GLB1: variants seen among roughly 807,000 people sequenced by gnomAD.
The protein encoded by GLB1 is galactosidase beta 1, also known as beta-galactosidase.
GLB1 carries 56 observed loss-of-function variants against 74.0 expected under a neutral mutation model. The ratio of observed to expected loss-of-function variants is 0.76; its 90% CI spans 0.61 to 0.94. The LOEUF is 0.94. Among genes scored for constraint, GLB1 ranks in the 40% least tolerant of loss-of-function variants. The pLI, the probability that GLB1 is intolerant of heterozygous loss-of-function variation, is 0.00. For synonymous variants in GLB1, 323 were observed against 323.6 expected (o/e 1.00, Z 0.02); for missense variants, 787 against 845.5 (o/e 0.93, Z 0.86).
At chr3:33,092,911 T>C (rs1700828213) in intron 1 of GLB1, 9 of 1,614,170 alleles carry the variant, frequency 5.6e-6, no homozygotes, top group Admixed American at 1.7e-5. Context: ...TAGTAGGCTG[T>C]GCCTGGGCTG....
intron 10 of GLB1, among the ~76,000 whole-genome samples, chr3:33,031,190 G>A (rs892211926): frequency 8.5e-5 from 13 of 152,152 alleles, no homozygotes; most frequent in South Asian, 4.1e-4. Context: ...GGATTACAGA[G>A]GAGACATATT....
chr3:32,983,777 C>G, the GLB1 span, among the ~76,000 whole-genome samples: 1 of 152,028 alleles, frequency 6.6e-6, no homozygotes, highest in Non-Finnish European at 1.5e-5. Flanking sequence ...CCCCTGAGTT[C>G]AAGTAATCCT....
the GLB1 span, among the ~76,000 whole-genome samples, chr3:32,986,594 C>CTTTTTTTT: frequency 2.1e-5 from 3 of 142,394 alleles, no homozygotes; most frequent in African/African-American, 7.9e-5. Flanking sequence ...GACTGTTTCT[C>CTTTTTTTT]TTTTTTTTTT....
chr3:32,995,247 C>T (rs1353955371), downstream of GLB1, among the ~76,000 whole-genome samples: 3 of 152,078 alleles, frequency 2.0e-5, no homozygotes, highest in East Asian at 5.8e-4. Flanking sequence ...CTCTGCTTGT[C>T]TCTAGGGCAG....
At position 33,051,791 on chromosome 3, in the gene GLB1, AC is replaced by A. The variant is rs762809445; in HGVS notation, c.921del (p.Met307IlefsTer3). 6.2e-7 allele frequency: 1 copy of A among 1,614,074 alleles called. No homozygotes were observed. Among genetic ancestry groups the A allele is most frequent in the Non-Finnish European group, 8.5e-7 (1 of 1,180,044 alleles). ...TAGGCAAAATTGGTCCCACCTATAAACATGTACCTACAAGGAAACAAAAGAA... is the reference window on the plus strand; with the variant it reads ...TAGGCAAAATTGGTCCCACCTATAAAATGTACCTACAAGGAAACAAAAGAA... The part of the protein sequence containing the change: ...LARGASVNLY[M>X]FIGGTNFAYW... On this transcript the variant is annotated frameshift_variant, in exon 9 of 16. Transcript: ENST00000307363. LOFTEE classifies it high-confidence loss of function.
chr3:33,040,730 AGAAT>A (rs1468591049), intron 10 of GLB1, among the ~76,000 whole-genome samples: 1 of 152,238 alleles, frequency 6.6e-6, no homozygotes, highest in Non-Finnish European at 1.5e-5. Flanking sequence ...AACAAAAGGC[AGAAT>A]GAGACAAAGA....
chr3:33,022,038 G>A (rs13078446), intron 11 of GLB1, among the ~76,000 whole-genome samples: 53,649 of 151,890 alleles, frequency 0.35, 9,793 homozygotes, highest in East Asian at 0.48. Flanking sequence ...CCAGAGGCCA[G>A]TTACATTCAA....
the GLB1 span, among the ~76,000 whole-genome samples, chr3:32,967,831 C>T: frequency 6.6e-6 from 1 of 152,138 alleles, no homozygotes; most frequent in Non-Finnish European, 1.5e-5. Flanking sequence ...CTCCCTGCAT[C>T]CCAGCACCCT....
intron 6 of GLB1, among the ~76,000 whole-genome samples, chr3:33,055,022 A>G (rs1455193865): frequency 1.3e-5 from 2 of 152,228 alleles, no homozygotes; most frequent in Non-Finnish European, 2.9e-5. Context: ...AGCTTTCAGG[A>G]CAGAATATGC....
chr3:33,087,855 C>T (rs936833597), intron 1 of GLB1, among the ~76,000 whole-genome samples: 1 of 141,042 alleles, frequency 7.1e-6, no homozygotes, highest in East Asian at 2.2e-4. Flanking sequence ...TGCAAAAATC[C>T]TCAACAAAAT....
chr3:33,087,721 C>A (rs973932076), intron 1 of GLB1, among the ~76,000 whole-genome samples: 2 of 151,916 alleles, frequency 1.3e-5, no homozygotes, highest in East Asian at 3.9e-4. Flanking sequence ...GAAACTATTA[C>A]AAAAGTTGAA....
intron 15 of GLB1, among the ~76,000 whole-genome samples, chr3:33,003,106 C>G (rs1696645755): frequency 6.6e-6 from 1 of 152,186 alleles, no homozygotes; most frequent in South Asian, 2.1e-4. Flanking sequence ...TTTGCTTCCT[C>G]CTCAGTCTTA....
intron 12 of GLB1, among the ~76,000 whole-genome samples, chr3:33,019,653 G>A (rs144099902): frequency 2.0e-4 from 30 of 152,182 alleles, no homozygotes; most frequent in African/African-American, 5.8e-4. Context: ...AACACCTCCC[G>A]CCCAGGCTCC....
the GLB1 span, among the ~76,000 whole-genome samples, chr3:32,976,662 C>A: frequency 6.6e-6 from 1 of 152,220 alleles, no homozygotes; most frequent in Admixed American, 6.5e-5. Context: ...TCCTCTCTCC[C>A]TCCCCCTTAG....
At chr3:33,058,060 CT>C (rs1163462586) in intron 6 of GLB1, 28 bp downstream of exon 6, 1 of 1,612,456 alleles carries the variant, frequency 6.2e-7, no homozygotes, top group South Asian at 1.1e-5. Context: ...TGATTTTAAG[CT>C]GCAATTTCTG....
intron 10 of GLB1, among the ~76,000 whole-genome samples, chr3:33,033,118 C>T (rs931202124): frequency 6.6e-6 from 1 of 152,150 alleles, no homozygotes; most frequent in Non-Finnish European, 1.5e-5. Context: ...CATCCCTTCA[C>T]CCAATGTGCT....
the GLB1 span, among the ~76,000 whole-genome samples, chr3:32,979,865 A>G: frequency 3.5e-3 from 529 of 149,110 alleles, 14 homozygotes; most frequent in African/African-American, 0.013. Context: ...AAAAAAAAAA[A>G]AAAAAAAAAA....
intron 1 of GLB1, among the ~76,000 whole-genome samples, chr3:33,074,068 G>A (rs898344586): frequency 7.3e-5 from 11 of 150,760 alleles, no homozygotes; most frequent in South Asian, 2.1e-4. Flanking sequence ...GGCTGGGTGC[G>A]GTGGCTCACG....
At chr3:33,081,607 C>G (rs997091945) in intron 1 of GLB1, among the ~76,000 whole-genome samples, 2 of 152,208 alleles carry the variant, frequency 1.3e-5, no homozygotes, top group Admixed American at 1.3e-4. Flanking sequence ...GAAGCCCCCC[C>G]AGTGGGGCCA....
Sources: gnomAD v4.1 joint callset for allele counts (sites outside exome capture counted in the v4.1 genomes callset) on GRCh38, gnomAD v4.1.1 for gene constraint, MANE v1.5 for transcripts, NCBI Gene and HGNC (gene_info 2026-07-23, HGNC 2026-07-21) for gene names.